The following EEA1 variants were observed in gnomAD, a reference collection of about 807,000 sequenced individuals.
EEA1 encodes early endosome antigen 1.
A neutral mutation model predicts 209.2 loss-of-function variants in EEA1; 111 were observed. The ratio of observed to expected loss-of-function variants is 0.53; its 90% CI spans 0.45 to 0.62. The LOEUF is 0.62. Ranked by LOEUF, EEA1 falls within the 20% of genes least tolerant of loss-of-function variation. The probability of loss-of-function intolerance (pLI) is 0.00; values close to 1 mark genes in which losing one functional copy is unlikely to be tolerated. For missense variants in EEA1, 1,343 were observed against 1,530.8 expected, an observed-to-expected ratio of 0.88 and a Z score of 2.05; for synonymous variants, 536 against 540.6, an observed-to-expected ratio of 0.99 and a Z score of 0.12.
At chr12:92,820,337 C>T (rs1251359141) in intron 13 of EEA1, among the ~76,000 whole-genome samples, 1 of 152,164 alleles carries the variant, frequency 6.6e-6, no homozygotes, top group African/African-American at 2.4e-5. Flanking sequence ...ACCCAGCAAC[C>T]ATGTGGTACT....
At chr12:92,927,764 G>A (rs1881263419) in intron 1 of EEA1, among the ~76,000 whole-genome samples, 3 of 152,204 alleles carry the variant, frequency 2.0e-5, no homozygotes, top group Admixed American at 1.3e-4. Flanking sequence ...AAGTGATGGG[G>A]AAAGTAAAGG....
At chr12:92,828,554 A>T (rs1303634962) in intron 11 of EEA1, among the ~76,000 whole-genome samples, 6 of 151,224 alleles carry the variant, frequency 4.0e-5, no homozygotes. Flanking sequence ...ACTGGCACAT[A>T]ATTTCTAAAT....
intron 2 of EEA1, among the ~76,000 whole-genome samples, chr12:92,880,164 T>C (rs1424738935): frequency 1.3e-5 from 2 of 152,262 alleles, no homozygotes; most frequent in African/African-American, 4.8e-5. Flanking sequence ...ACGTGTTACA[T>C]GTTCAGCCAT....
In EEA1 at chr12:92,865,224, C is replaced by T. The variant is rs78859299; in HGVS notation, c.118-237G>A. Among the ~76,000 whole-genome samples the T allele has an allele frequency of 6.5e-3, 984 of 152,106 alleles. 6 individuals carry two copies. Among genetic ancestry groups the T allele is most frequent in the Non-Finnish European group, 8.8e-3 (595 of 67,980 alleles). On this transcript the variant is annotated intron_variant, in intron 2 of 28. Transcript: ENST00000322349. Reference sequence around the variant, plus strand: ...TTGCAACCATCTTTTATTTTTAGGTCAGATAAATTAATAGCTGGAGTACCC... The same window carrying T: ...TTGCAACCATCTTTTATTTTTAGGTTAGATAAATTAATAGCTGGAGTACCC...
chr12:92,805,174 A>C (rs1875140676), intron 18 of EEA1, among the ~76,000 whole-genome samples: 1 of 152,164 alleles, frequency 6.6e-6, no homozygotes, highest in African/African-American at 2.4e-5. Context: ...TTCTAGAGAT[A>C]ATGATGAACC....
chr12:92,829,535 T>C (rs969631379), intron 11 of EEA1, among the ~76,000 whole-genome samples: 3 of 151,818 alleles, frequency 2.0e-5, no homozygotes, highest in South Asian at 2.1e-4. Flanking sequence ...TCCTAGCACT[T>C]TGGGAGGCTG....
At chr12:92,828,821 C>T (rs1216541008) in intron 11 of EEA1, among the ~76,000 whole-genome samples, 3 of 152,100 alleles carry the variant, frequency 2.0e-5, no homozygotes, top group Non-Finnish European at 4.4e-5. Flanking sequence ...CTGTGAGACA[C>T]ATCTGCTTTC....
At chr12:92,818,581 T>G (rs1272148643) in intron 14 of EEA1, among the ~76,000 whole-genome samples, 2 of 152,152 alleles carry the variant, frequency 1.3e-5, no homozygotes, top group Admixed American at 1.3e-4. Flanking sequence ...ACCTAAAGAA[T>G]TCTTCAAAAC....
chr12:92,857,061 T>C (rs1456084679), intron 5 of EEA1, among the ~76,000 whole-genome samples: 1 of 151,986 alleles, frequency 6.6e-6, no homozygotes, highest in Non-Finnish European at 1.5e-5. Context: ...CGTGGGCCCA[T>C]CCAGTAACTC....
intron 2 of EEA1, among the ~76,000 whole-genome samples, chr12:92,886,683 G>A (rs1456226894): frequency 6.7e-6 from 1 of 148,990 alleles, no homozygotes; most frequent in Non-Finnish European, 1.5e-5. Flanking sequence ...AAGGAAGGAA[G>A]GAAAGAAGGA....
chr12:92,852,460 A>G (rs2136710064), intron 7 of EEA1, among the ~76,000 whole-genome samples, 164 bp from the exon 8 acceptor site: 1 of 152,256 alleles, frequency 6.6e-6, no homozygotes, highest in African/African-American at 2.4e-5. Context: ...CATGAAATGA[A>G]CTTAAAATTA....
intron 21 of EEA1, among the ~76,000 whole-genome samples, chr12:92,788,309 T>C (rs554809919): frequency 1.3e-5 from 2 of 151,928 alleles, no homozygotes; most frequent in African/African-American, 4.8e-5. Flanking sequence ...TGGGAAGTAC[T>C]ATCAGGTCTC....
chr12:92,917,631 T>A (rs1880822008), intron 1 of EEA1, among the ~76,000 whole-genome samples: 1 of 151,976 alleles, frequency 6.6e-6, no homozygotes. Context: ...TACCAGCCAT[T>A]GCAAAATCAT....
chr12:92,780,194 T>C (rs1417735031), intron 24 of EEA1, 86 bp downstream of exon 24: 3 of 1,386,294 alleles, frequency 2.2e-6, no homozygotes, highest in Middle Eastern at 2.2e-4. Flanking sequence ...AAGTTCTCAA[T>C]AAATAAATAA....
rs186393078 is a variant in EEA1, at chr12:92,840,085, T to C, written c.915+2380A>G. On this transcript the variant is annotated intron_variant, in intron 10 of 28. Transcript: ENST00000322349. Reference sequence around the variant, plus strand: ...CTGTTGGCAGGAGGTTTAATATTTATAGCTAATTATATTTCTCTTTATTCC... The same window carrying C: ...CTGTTGGCAGGAGGTTTAATATTTACAGCTAATTATATTTCTCTTTATTCC... 1.1e-3 allele frequency among the ~76,000 whole-genome samples: 169 copies of C among 152,312 alleles called. 3 individuals carry two copies. Among genetic ancestry groups the C allele is most frequent in the African/African-American group, 3.7e-3 (152 of 41,568 alleles).
chr12:92,851,276 A>C lies in EEA1; in HGVS notation c.643-10T>G. 3.1e-6 allele frequency: 5 copies of C among 1,595,394 alleles called. No individual in the cohort carries two copies. The highest frequency in any genetic ancestry group is 4.3e-6 in the Non-Finnish European group (5 of 1,175,094). On this transcript the variant is annotated splice_polypyrimidine_tract_variant and intron_variant, in intron 8 of 28. Coordinates refer to ENST00000322349, the MANE Select transcript of EEA1 (RefSeq NM_003566.4). ...TACCAGGTCTCTGAAGCTGTGAAACAACACATTTTAATTAAAAATTAAAGT... is the reference window on the plus strand; with the variant it reads ...TACCAGGTCTCTGAAGCTGTGAAACCACACATTTTAATTAAAAATTAAAGT...
At position 92,864,905 on chromosome 12, in the gene EEA1, C is replaced by T. The variant is rs1565841274; in HGVS notation, c.200G>A (p.Gly67Asp). ...CTCTCCTCCATGACCTGAGTCATTA[C>T]CAGCATCATGAACAGCTTCATAATG... ...FKHYEAVHDA[G>D]NDSGHGGESN... Residue 67 changes from glycine (G) to aspartate (D), a missense_variant, in exon 3 of 29, where the codon GGT becomes GAT. By Grantham distance (94) the Gly-to-Asp change is moderately conservative. Coordinates refer to ENST00000322349, the MANE Select transcript of EEA1 (RefSeq NM_003566.4). 6.2e-7 allele frequency: 1 copy of T among 1,610,194 alleles called. No individual in the cohort carries two copies. The highest frequency in any genetic ancestry group is 8.5e-7 in the Non-Finnish European group (1 of 1,178,390).
At chr12:92,786,673 T>A (rs1443821340) in intron 22 of EEA1, among the ~76,000 whole-genome samples, 1 of 152,140 alleles carries the variant, frequency 6.6e-6, no homozygotes, top group Non-Finnish European at 1.5e-5. Context: ...AGGAAGTTAG[T>A]AACCTCTTAA....
chr12:92,829,134 A>T (rs1876478418), intron 11 of EEA1, among the ~76,000 whole-genome samples: 2 of 152,086 alleles, frequency 1.3e-5, no homozygotes, highest in East Asian at 3.9e-4. Context: ...TAAATGAGGG[A>T]TGTGTCTTTT....
Sources: allele counts gnomAD v4.1 joint callset (sites outside exome capture counted in the v4.1 genomes callset), GRCh38; gene constraint gnomAD v4.1.1; transcripts MANE v1.5; gene names NCBI Gene and HGNC (gene_info 2026-07-23, HGNC 2026-07-21).